PRKG1: variants seen among roughly 807,000 people sequenced by gnomAD.
The protein encoded by PRKG1 is protein kinase cGMP-dependent 1.
In PRKG1, 35 loss-of-function variants were observed where a neutral mutation model predicts 88.1. That is an observed-to-expected ratio of 0.40 (90% CI 0.30 to 0.53). The LOEUF is 0.53. Among genes scored for constraint, PRKG1 ranks in the 20% least tolerant of loss-of-function variants. PRKG1 has a pLI of 0.59. For synonymous variants in PRKG1, 303 were observed against 292.5 expected, an observed-to-expected ratio of 1.04 and a Z score of -0.37; for missense variants, 540 against 839.8, an observed-to-expected ratio of 0.64 and a Z score of 4.41.
chr10:52,110,423 C>T (rs1174105083), intron 7 of PRKG1, among the ~76,000 whole-genome samples: 1 of 84,404 alleles, frequency 1.2e-5, no homozygotes, highest in Non-Finnish European at 2.6e-5. Context: ...CTATTGGGAA[C>T]ATGCCCATCA....
intron 3 of PRKG1, among the ~76,000 whole-genome samples, chr10:51,564,277 A>G (rs977201416): frequency 6.6e-6 from 1 of 152,106 alleles, no homozygotes; most frequent in Non-Finnish European, 1.5e-5. Context: ...GGAAAAAGCT[A>G]GACAATTGAT....
chr10:51,330,142 TTTA>T (rs1273688516), intron 2 of PRKG1, among the ~76,000 whole-genome samples: 129 of 130,320 alleles, frequency 9.9e-4, no homozygotes, highest in Middle Eastern at 4.2e-3. Context: ...TATTTATTTA[TTTA>T]TTTTTTATTT....
intron 2 of PRKG1, among the ~76,000 whole-genome samples, chr10:51,327,374 A>C (rs1413313956): frequency 6.6e-6 from 1 of 150,932 alleles, no homozygotes; most frequent in Admixed American, 6.6e-5. Flanking sequence ...CCAGGATCGC[A>C]CCACTGTACT....
At chr10:51,002,028 C>G (rs1039419374) in intron 1 of PRKG1, among the ~76,000 whole-genome samples, 2 of 77,134 alleles carry the variant, frequency 2.6e-5, no homozygotes, top group Admixed American at 1.5e-4. Context: ...CGATGTTTGT[C>G]TTAAGGAATA....
At chr10:51,018,765 G>A (rs1843099547) in intron 1 of PRKG1, among the ~76,000 whole-genome samples, 1 of 152,156 alleles carries the variant, frequency 6.6e-6, no homozygotes, top group Non-Finnish European at 1.5e-5. Flanking sequence ...AAAAGGAAGT[G>A]TCAATATTTA....
chr10:51,430,244 G>A (rs868231851), intron 2 of PRKG1, among the ~76,000 whole-genome samples: 18 of 151,850 alleles, frequency 1.2e-4, no homozygotes, highest in African/African-American at 2.7e-4. Context: ...GCAAGATCTC[G>A]TCTCTACAAA....
intron 3 of PRKG1, among the ~76,000 whole-genome samples, chr10:51,620,983 ATGTG>A (rs1314158540): frequency 2.6e-5 from 3 of 116,622 alleles, no homozygotes; most frequent in African/African-American, 2.9e-5. Context: ...CCGTATATGT[ATGTG>A]TGTGTGTGTG....
At chr10:51,029,186 C>G (rs1204356324) in intron 1 of PRKG1, among the ~76,000 whole-genome samples, 2 of 152,190 alleles carry the variant, frequency 1.3e-5, no homozygotes, top group Non-Finnish European at 2.9e-5. Context: ...AATGAAGACT[C>G]AACCTTTATG....
At chr10:51,276,916 G>A (rs10761998) in intron 2 of PRKG1, among the ~76,000 whole-genome samples, 32,064 of 151,932 alleles carry the variant, frequency 0.21, 3,548 homozygotes, top group Admixed American at 0.35. Context: ...TAGGTTGCCT[G>A]TTCACTCTGA....
At chr10:51,653,772 T>A (rs1840097253) in intron 3 of PRKG1, among the ~76,000 whole-genome samples, 1 of 152,168 alleles carries the variant, frequency 6.6e-6, no homozygotes. Flanking sequence ...TTCACCATGT[T>A]GGCCAGGCTG....
intron 2 of PRKG1, among the ~76,000 whole-genome samples, chr10:51,333,507 A>G (rs1841792525): frequency 6.6e-6 from 1 of 152,186 alleles, no homozygotes; most frequent in Non-Finnish European, 1.5e-5. Context: ...ATAATTTCTA[A>G]CTGCTCTGGT....
intron 7 of PRKG1, among the ~76,000 whole-genome samples, chr10:52,096,869 T>C (rs2132558333): frequency 6.6e-6 from 1 of 152,318 alleles, no homozygotes; most frequent in East Asian, 1.9e-4. Context: ...TACAATGTAA[T>C]ATTGTAAGTT....
intron 5 of PRKG1, among the ~76,000 whole-genome samples, chr10:51,964,785 T>C (rs1843528604): frequency 6.6e-6 from 1 of 152,220 alleles, no homozygotes; most frequent in African/African-American, 2.4e-5. Flanking sequence ...GTCTTCCTTT[T>C]GTTGCCCAGC....
At chr10:52,073,591 A>G (rs556406857) in intron 7 of PRKG1, among the ~76,000 whole-genome samples, 30 of 152,306 alleles carry the variant, frequency 2.0e-4, no homozygotes, top group African/African-American at 7.2e-4. Context: ...CTGTTCTGGC[A>G]TGAAAGAGTG....
intron 5 of PRKG1, among the ~76,000 whole-genome samples, chr10:52,006,833 C>A (rs1001090117): frequency 1.3e-5 from 2 of 152,068 alleles, no homozygotes; most frequent in African/African-American, 4.8e-5. Flanking sequence ...ATTACATTCT[C>A]TAAGGTCAAA....
intron 3 of PRKG1, among the ~76,000 whole-genome samples, chr10:51,562,345 T>A (rs959078174): frequency 1.3e-5 from 2 of 152,140 alleles, no homozygotes; most frequent in Non-Finnish European, 2.9e-5. Flanking sequence ...GAGATAAAAA[T>A]TATATTAAAC....
chr10:51,400,300 A>G (rs1837702740), intron 2 of PRKG1, among the ~76,000 whole-genome samples: 2 of 152,228 alleles, frequency 1.3e-5, no homozygotes, highest in South Asian at 4.1e-4. Context: ...AATGGAGAAA[A>G]TAAAATAGAG....
intron 1 of PRKG1, among the ~76,000 whole-genome samples, chr10:51,058,298 C>T (rs1395947632): frequency 2.6e-5 from 4 of 151,988 alleles, no homozygotes. Flanking sequence ...TTGTAGTTTG[C>T]CATTTGACTG....
At chr10:52,156,857 T>A (rs936131683) in intron 8 of PRKG1, among the ~76,000 whole-genome samples, 9 of 151,620 alleles carry the variant, frequency 5.9e-5, no homozygotes, top group African/African-American at 1.4e-4. Context: ...AATATTTTTT[T>A]AAAAAGATTT....
Sources: allele counts gnomAD v4.1 joint callset (sites outside exome capture counted in the v4.1 genomes callset), GRCh38; gene constraint gnomAD v4.1.1; transcripts MANE v1.5; gene names NCBI Gene and HGNC (gene_info 2026-07-23, HGNC 2026-07-21).